Variants in CLIP4 observed in about 807,000 individuals in gnomAD.
CLIP4 encodes the protein CAP-Gly domain-containing linker protein 4.
CLIP4 carries 47 observed loss-of-function variants against 73.1 expected under a neutral mutation model. The ratio of observed to expected loss-of-function variants is 0.64; its 90% CI spans 0.51 to 0.82. The LOEUF (loss-of-function observed/expected upper bound fraction) is 0.82, where lower values mean the gene tolerates loss of function less well. CLIP4 is among the 40% of genes least tolerant of loss of function. The probability of loss-of-function intolerance (pLI) is 0.00; values close to 1 mark genes in which losing one functional copy is unlikely to be tolerated. For missense variants in CLIP4, 874 were observed against 852.9 expected (o/e 1.02, Z -0.31); for synonymous variants, 306 against 295.4 (o/e 1.04, Z -0.37).
At chr2:29,181,322 C>T (rs753623101) in intron 15 of CLIP4, among the ~76,000 whole-genome samples, 8 of 152,174 alleles carry the variant, frequency 5.3e-5, no homozygotes, top group Non-Finnish European at 8.8e-5. Flanking sequence ...CTTGTTGTCC[C>T]AGGTGGCGGA....
chr2:29,133,419 T>C (rs921145929), intron 4 of CLIP4, among the ~76,000 whole-genome samples: 5 of 152,216 alleles, frequency 3.3e-5, no homozygotes, highest in Non-Finnish European at 1.5e-5. Context: ...ACTTTTTGGA[T>C]TTTTTAGAAT....
At chr2:29,139,528 GT>G (rs1665611718) in intron 6 of CLIP4, among the ~76,000 whole-genome samples, 1 of 151,932 alleles carries the variant, frequency 6.6e-6, no homozygotes. Flanking sequence ...CTCCTCCTTG[GT>G]TTTTTCATAT....
Position 29,152,768 on chromosome 2 carries a change from G to C in CLIP4, c.1105G>C (p.Val369Leu). 1 of 1,613,862 alleles carries C rather than the reference G, an allele frequency of 6.2e-7. No homozygotes were observed. The highest frequency in any genetic ancestry group is 8.5e-7 in the Non-Finnish European group (1 of 1,179,858). Residue 369 changes from valine to leucine, a missense_variant, in exon 9 of 16, where the codon GTA becomes CTA. Physicochemically the swap from Val to Leu is conservative, Grantham distance 32. Transcript: ENST00000320081. Reference protein sequence around the residue: ...ITHTPSTKAAVPLIRSQKIDV... With the variant: ...ITHTPSTKAALPLIRSQKIDV... The stretch of plus-strand genomic sequence containing the variant: ...ACACACTCCTTCTACAAAAGCTGCT[G>C]TACCTCTCATCAGGTCCCAGAAAAT...
rs555827744 is a variant in CLIP4, at chr2:29,110,219, C to T, written c.-15-11155C>T. Among the ~76,000 whole-genome samples, 22 of 152,268 alleles carry T rather than the reference C, an allele frequency of 1.4e-4. No homozygotes were observed. In the South Asian group the frequency reaches 2.9e-3, roughly 20 times the overall value. On this transcript the variant is annotated intron_variant, in intron 1 of 14. Coordinates refer to the CLIP4 transcript ENST00000401605. ...GAAGCCCCATTCAGATAATAAGTCTCGTGCGGCTCAATGGAGTCCTCTTCA... is the reference window on the plus strand; with the variant it reads ...GAAGCCCCATTCAGATAATAAGTCTTGTGCGGCTCAATGGAGTCCTCTTCA...
Position 29,157,300 on chromosome 2 carries a change from A to G in CLIP4, c.1352A>G (p.Lys451Arg), listed in dbSNP as rs1261570149. The G allele has an allele frequency of 3.1e-6, 5 of 1,614,038 alleles. No homozygotes were observed. The highest frequency in any genetic ancestry group is 3.4e-6 in the Non-Finnish European group (4 of 1,180,004). The change falls in exon 11 of 16, where the codon AAG becomes AGG. Residue 451 changes from lysine (K) to arginine (R), a missense_variant. Coordinates refer to ENST00000320081, the MANE Select transcript of CLIP4 (RefSeq NM_024692.6). ...AAACAGAATGCAATCAGCAGTAACA[A>G]GAAGACAATGAGCAAAAGCCCTTCC... The part of the protein sequence containing the change: ...PKKQNAISSN[K>R]KTMSKSPSLS...
chr2:29,152,962 T>G (rs3100238), intron 9 of CLIP4, 134 bp downstream of exon 9: 1 of 978,114 alleles, frequency 1.0e-6, no homozygotes, highest in Non-Finnish European at 1.5e-6. Context: ...CTGCATCTTA[T>G]GTGTTTTTAA....
upstream of CLIP4, chr2:29,114,006 T>G (rs928819177): frequency 6.6e-6 from 1 of 152,220 alleles, no homozygotes; most frequent in Non-Finnish European, 1.5e-5. Flanking sequence ...ACATTATCTC[T>G]GAGAGCACTC....
At chr2:29,156,540 A>T (rs890071898) in intron 10 of CLIP4, 97 bp downstream of exon 10, 8 of 880,440 alleles carry the variant, frequency 9.1e-6, no homozygotes, top group Non-Finnish European at 1.4e-5. Flanking sequence ...TAAGTTTTAA[A>T]GTTGGCAAGG....
chr2:29,106,058 T>A (rs1260268029), intron 1 of CLIP4, among the ~76,000 whole-genome samples: 1 of 146,820 alleles, frequency 6.8e-6, no homozygotes, highest in South Asian at 2.1e-4. Flanking sequence ...CATTTAATCT[T>A]TTTTTTTTTT....
intron 13 of CLIP4, among the ~76,000 whole-genome samples, chr2:29,165,827 C>T (rs1667573031): frequency 6.6e-6 from 1 of 152,152 alleles, no homozygotes; most frequent in Non-Finnish European, 1.5e-5. Flanking sequence ...GCTTTTTCCT[C>T]CTCCTTTACG....
In CLIP4 at chr2:29,179,195, C is replaced by T. The variant is rs111921872; in HGVS notation, c.1797-2377C>T. Among the ~76,000 whole-genome samples the T allele has an allele frequency of 6.5e-3, 995 of 152,310 alleles. 7 individuals are homozygous for T. The highest frequency in any genetic ancestry group is 0.052 in the East Asian group (272 of 5,184). On this transcript the variant is annotated intron_variant, in intron 15 of 15. Transcript: ENST00000320081. The stretch of plus-strand genomic sequence containing the variant: ...CCTTTTTCTCAGCTAATTTTTACAG[C>T]ACTCCTGATTCAATGTTCCCTCCTT...
Position 29,147,436 on chromosome 2 carries a change from TGTA to T in CLIP4, c.1021+2072_1021+2074del, listed in dbSNP as rs762403988. Among the ~76,000 whole-genome samples the T allele has an allele frequency of 1.2e-3, 177 of 152,272 alleles. 1 individual carries two copies. The Middle Eastern group carries it at 0.014, about 12-fold the overall frequency. On this transcript the variant is annotated intron_variant, in intron 8 of 15. Transcript: ENST00000320081. ...CCTCATTTGCAATGTTTTTTGGACA[TGTA>T]GTTTTATGGCTTAAAGACTTTTATC... is the stretch of plus-strand genomic sequence containing the variant.
chr2:29,147,043 G>A (rs1666218577), intron 8 of CLIP4, among the ~76,000 whole-genome samples: 1 of 152,086 alleles, frequency 6.6e-6, no homozygotes, highest in African/African-American at 2.4e-5. Flanking sequence ...AAAACAAGAG[G>A]AAAGTAAAAA....
In CLIP4 at chr2:29,104,260, T is replaced by C. The variant is rs534185872; in HGVS notation, c.-16+6313T>C. Among the ~76,000 whole-genome samples, 61 of 152,098 alleles carry C rather than the reference T, an allele frequency of 4.0e-4. No individual in the cohort carries two copies. The South Asian group carries it at 4.6e-3, about 11-fold the overall frequency. On this transcript the variant is annotated intron_variant, in intron 1 of 14. Coordinates refer to the CLIP4 transcript ENST00000401605. ...AGGAAGATCCTTCACAGACCAAATC[T>C]CTTTTCTAGGGTCTCTTTGTTTTTG...
chr2:29,108,879 A>G (rs1160372183), intron 1 of CLIP4, among the ~76,000 whole-genome samples: 1 of 152,114 alleles, frequency 6.6e-6, no homozygotes, highest in East Asian at 1.9e-4. Flanking sequence ...ATATTTTCAC[A>G]TTTGTTTGTC....
intron 4 of CLIP4, chr2:29,132,800 T>C (rs542774799): frequency 1.3e-5 from 2 of 152,430 alleles, no homozygotes; most frequent in East Asian, 3.9e-4. Flanking sequence ...TCACAACTCA[T>C]CATGAACTGA....
intron 1 of CLIP4, among the ~76,000 whole-genome samples, chr2:29,119,372 T>C (rs1664097735): frequency 6.6e-6 from 1 of 152,174 alleles, no homozygotes; most frequent in Non-Finnish European, 1.5e-5. Flanking sequence ...AAATGAAAGG[T>C]GCTCTGGGGA....
At chr2:29,162,745 C>A (rs1188502799) in intron 12 of CLIP4, among the ~76,000 whole-genome samples, 3 of 152,086 alleles carry the variant, frequency 2.0e-5, no homozygotes, top group African/African-American at 7.2e-5. Flanking sequence ...AGCGTTAGTG[C>A]AGCTTAACAA....
intron 9 of CLIP4, among the ~76,000 whole-genome samples, chr2:29,154,149 A>T (rs1008758978): frequency 6.6e-6 from 1 of 152,130 alleles, no homozygotes; most frequent in Non-Finnish European, 1.5e-5. Flanking sequence ...TGTTAGGTCT[A>T]TTGGTAGGTA....
Sources: gnomAD v4.1 joint callset for allele counts (sites outside exome capture counted in the v4.1 genomes callset) on GRCh38, gnomAD v4.1.1 for gene constraint, MANE v1.5 for transcripts, NCBI Gene and HGNC (gene_info 2026-07-23, HGNC 2026-07-21) for gene names.